BACE2: variants seen among roughly 807,000 people sequenced by gnomAD.
BACE2 encodes the protein beta-secretase 2.
In BACE2, 17 loss-of-function variants were observed where a neutral mutation model predicts 46.2. The ratio of observed to expected loss-of-function variants is 0.37; its 90% CI spans 0.25 to 0.55. The LOEUF is 0.55. Among genes scored for constraint, BACE2 ranks in the 20% least tolerant of loss-of-function variants. The pLI is 0.82. For missense variants in BACE2, 595 were observed against 698.1 expected (o/e 0.85, Z 1.66); for synonymous variants, 277 against 295.9 (o/e 0.94, Z 0.66).
At chr21:41,197,060 C>G (rs1245759220) in intron 1 of BACE2, among the ~76,000 whole-genome samples, 1 of 152,120 alleles carries the variant, frequency 6.6e-6, no homozygotes, top group Non-Finnish European at 1.5e-5. Flanking sequence ...CTCTCAGACC[C>G]AAGGCATCCT....
chr21:41,266,913 AC>A (rs975310624), intron 8 of BACE2, among the ~76,000 whole-genome samples: 1 of 151,684 alleles, frequency 6.6e-6, no homozygotes, highest in African/African-American at 2.4e-5. Context: ...TGAGGACCCC[AC>A]ATCTTTGGAA....
chr21:41,226,018 C>T (rs1318666526), intron 1 of BACE2, among the ~76,000 whole-genome samples: 2 of 152,218 alleles, frequency 1.3e-5, no homozygotes, highest in African/African-American at 4.8e-5. Context: ...AGAATCCATT[C>T]TCTTTTAAGG....
Position 41,237,749 on chromosome 21 carries a change from T to G in BACE2, c.618+20T>G. 1.3e-6 allele frequency: 2 copies of G among 1,590,422 alleles called. No homozygotes were observed. The highest frequency in any genetic ancestry group is 1.7e-6 in the Non-Finnish European group (2 of 1,158,690). On this transcript the variant is annotated intron_variant, in intron 3 of 8. Transcript: ENST00000330333. ...GCCAAGGTAAGGCTAATCCATGGAT[T>G]TAAGGAAATCAAATAACAGGATGAG...
chr21:41,201,656 C>G (rs1170197647), intron 1 of BACE2, among the ~76,000 whole-genome samples: 2 of 152,214 alleles, frequency 1.3e-5, no homozygotes, highest in Non-Finnish European at 2.9e-5. Context: ...CCAAGAGGCG[C>G]AACGCACAGC....
At position 41,282,442 on chromosome 21, in the gene BACE2, T is replaced by G. The variant is rs1414905179; in HGVS notation, c.*6818T>G. On this transcript the variant is annotated 3_prime_UTR_variant, in exon 9 of 9. Coordinates refer to ENST00000330333, the MANE Select transcript of BACE2 (RefSeq NM_012105.5). ...GGAGTTTTCTAAAATAATCTTATTT[T>G]TATACTTGTATGTTCCAGCAATTTA... 2 of 152,252 alleles carry G rather than the reference T, an allele frequency of 1.3e-5. No homozygotes were observed. The highest frequency in any genetic ancestry group is 2.9e-5 in the Non-Finnish European group (2 of 68,048). The allele number at this position is 152,252 out of a possible 1,614,324, so 9.4% of individuals were successfully genotyped here.
chr21:41,242,834 T>A (rs1401298421), intron 4 of BACE2, among the ~76,000 whole-genome samples: 1 of 152,212 alleles, frequency 6.6e-6, no homozygotes, highest in Non-Finnish European at 1.5e-5. Context: ...GCATCTTGAT[T>A]AGATGAGGGC....
At chr21:41,222,226 C>T (rs1289501945) in intron 1 of BACE2, among the ~76,000 whole-genome samples, 2 of 152,188 alleles carry the variant, frequency 1.3e-5, no homozygotes, top group East Asian at 3.9e-4. Flanking sequence ...ACAGCAGTGC[C>T]CAGCCCACTG....
At chr21:41,191,439 G>C (rs1985567470) in intron 1 of BACE2, among the ~76,000 whole-genome samples, 1 of 152,184 alleles carries the variant, frequency 6.6e-6, no homozygotes, top group South Asian at 2.1e-4. Context: ...GGTAGTCTTG[G>C]CAGAAGCATT....
chr21:41,216,362 A>G (rs1336077084), intron 1 of BACE2, among the ~76,000 whole-genome samples: 1 of 152,178 alleles, frequency 6.6e-6, no homozygotes, highest in African/African-American at 2.4e-5. Flanking sequence ...TCCAGGAACG[A>G]CCATCGTGGT....
chr21:41,265,905 C>G (rs1988055371), intron 8 of BACE2, among the ~76,000 whole-genome samples: 1 of 152,164 alleles, frequency 6.6e-6, no homozygotes, highest in South Asian at 2.1e-4. Flanking sequence ...CAAGTACTTT[C>G]ATGTTTGATT....
chr21:41,188,853 C>T (rs1233611682), intron 1 of BACE2, among the ~76,000 whole-genome samples: 14 of 152,170 alleles, frequency 9.2e-5, no homozygotes, highest in Admixed American at 8.5e-4. Flanking sequence ...TGTTCCAAGC[C>T]AGTGTCAACA....
At chr21:41,168,862 C>T (rs1262405398) in intron 1 of BACE2, among the ~76,000 whole-genome samples, 2 of 152,156 alleles carry the variant, frequency 1.3e-5, no homozygotes, top group Non-Finnish European at 2.9e-5. Flanking sequence ...AGACCTGGAA[C>T]TTGCCGCCTC....
At chr21:41,196,125 AAAAAAT>A (rs934352622) in intron 1 of BACE2, among the ~76,000 whole-genome samples, 4 of 151,986 alleles carry the variant, frequency 2.6e-5, no homozygotes, top group African/African-American at 4.8e-5. Context: ...TCTTTACTAA[AAAAAAT>A]AAAAATAAAA....
chr21:41,254,867 T>TTTTA (rs1293446621), intron 7 of BACE2, among the ~76,000 whole-genome samples: 12 of 152,358 alleles, frequency 7.9e-5, no homozygotes, highest in African/African-American at 2.2e-4. Flanking sequence ...CCTGCCTCCG[T>TTTTA]CAGGCTGCCT....
At chr21:41,179,706 C>T in intron 1 of BACE2, 1 of 1,266,422 alleles carries the variant, frequency 7.9e-7, no homozygotes, top group Non-Finnish European at 1.1e-6. Context: ...ATTGTGCTTC[C>T]CTGCTTACAG....
Position 41,276,016 on chromosome 21 carries a change from C to G in BACE2, c.*392C>G, listed in dbSNP as rs2088485657. The G allele has an allele frequency of 5.5e-6, 1 of 182,078 alleles. No homozygotes were observed. The highest frequency in any genetic ancestry group is 1.2e-5 in the Non-Finnish European group (1 of 85,226). 11.3% of individuals were successfully genotyped at this position (182,078 alleles called of 1,614,324 possible). A position where few individuals can be genotyped will look rare whatever the true frequency, so the allele number is the denominator to read the frequency against. On this transcript the variant is annotated 3_prime_UTR_variant, in exon 9 of 9. Coordinates refer to ENST00000330333, the MANE Select transcript of BACE2 (RefSeq NM_012105.5). ...ATAGTTGATAACCCCTCTTAGCTTACAGGAAGCTTTTTGTATTAATTGCCT... is the reference window on the plus strand; with the variant it reads ...ATAGTTGATAACCCCTCTTAGCTTAGAGGAAGCTTTTTGTATTAATTGCCT...
At chr21:41,175,783 G>A (rs1984808971) in intron 1 of BACE2, 1 of 152,208 alleles carries the variant, frequency 6.6e-6, no homozygotes, top group Admixed American at 6.5e-5. Context: ...TGCTTTTCAG[G>A]TGAGCACCTG....
At chr21:41,240,561 G>A (rs1987256871) in intron 3 of BACE2, among the ~76,000 whole-genome samples, 1 of 152,184 alleles carries the variant, frequency 6.6e-6, no homozygotes, top group Non-Finnish European at 1.5e-5. Flanking sequence ...CAAGTCACTC[G>A]GCTGGCAAGT....
chr21:41,249,733 C>T (rs1384991150), intron 6 of BACE2, among the ~76,000 whole-genome samples: 1 of 152,190 alleles, frequency 6.6e-6, no homozygotes, highest in South Asian at 2.1e-4. Context: ...CTGCTCTGCC[C>T]CACGCGGGAC....
Sources: gnomAD v4.1 joint callset for allele counts (sites outside exome capture counted in the v4.1 genomes callset) on GRCh38, gnomAD v4.1.1 for gene constraint, MANE v1.5 for transcripts, NCBI Gene and HGNC (gene_info 2026-07-23, HGNC 2026-07-21) for gene names.